Variants in USP31 observed in about 807,000 individuals in gnomAD.
USP31 encodes the protein ubiquitin specific peptidase 31.
In USP31, 44 loss-of-function variants were observed where a neutral mutation model predicts 119.4. That is an observed-to-expected ratio of 0.37 (90% confidence interval 0.29 to 0.47). The LOEUF (loss-of-function observed/expected upper bound fraction) is 0.47. USP31 is among the 20% of genes least tolerant of loss of function. The pLI is 0.99. For missense variants in USP31, 1,643 were observed against 1,730.2 expected (o/e 0.95, Z 0.89); for synonymous variants, 749 against 705.6 (o/e 1.06, Z -0.97).
rs918618663 is a variant in USP31, at chr16:23,149,211, C to T, written c.60G>A (p.Lys20=). 5.2e-6 allele frequency: 6 copies of T among 1,144,248 alleles called. No homozygotes were observed. The highest frequency in any genetic ancestry group is 1.7e-5 in the African/African-American group (1 of 60,172). The allele number at this position is 1,144,248 out of a possible 1,614,324, so 70.9% of individuals were successfully genotyped here. The change falls in exon 1 of 16, where the codon AAG becomes AAA. Residue 20 remains lysine (K), a synonymous_variant. Coordinates refer to ENST00000219689, the MANE Select transcript of USP31 (RefSeq NM_020718.4). ...GAAACAGCCGCTTGCTGAAGGAGCGCTTCTCCTTCCCGCTCGCCGCCGCCG... is the reference window on the plus strand; with the variant it reads ...GAAACAGCCGCTTGCTGAAGGAGCGTTTCTCCTTCCCGCTCGCCGCCGCCG... ...GPPAAASGKE[K]RSFSKRLFRS... is the part of the protein sequence containing the mutation.
At chr16:23,112,409 T>G (rs1389983391) in intron 1 of USP31, among the ~76,000 whole-genome samples, 2 of 151,792 alleles carry the variant, frequency 1.3e-5, no homozygotes, top group African/African-American at 4.8e-5. Context: ...TGAAACTCCG[T>G]CTCCACTAAC....
At chr16:23,082,831 C>CTTTTTTTTTTTTT (rs71151692) in intron 11 of USP31, among the ~76,000 whole-genome samples, 24 of 129,328 alleles carry the variant, frequency 1.9e-4, no homozygotes, top group African/African-American at 2.8e-4. Flanking sequence ...CTTTCTCTCT[C>CTTTTTTTTTTTTT]TTTTTTTTTT....
At chr16:23,115,877 A>C in intron 1 of USP31, 2 of 823,336 alleles carry the variant, frequency 2.4e-6, no homozygotes, top group Non-Finnish European at 2.9e-6. Context: ...GAAAAGAGCC[A>C]TAAAATTAGA....
In USP31 at chr16:23,079,995, C is replaced by A. The variant is rs775957236; in HGVS notation, c.2127G>T (p.Leu709=). 6.2e-7 allele frequency: 1 copy of A among 1,613,960 alleles called. No homozygotes were observed. The highest frequency in any genetic ancestry group is 1.1e-5 in the South Asian group (1 of 91,070). The change falls in exon 13 of 16, where the codon CTG becomes CTT. Residue 709 remains leucine (L), a synonymous_variant. Coordinates refer to ENST00000219689, the MANE Select transcript of USP31 (RefSeq NM_020718.4). ...TGCCATGGTGATTGCACACAGCATA[C>A]AGGTCATAGATGTAGTCCTCAGGGT... The part of the protein sequence containing the change: ...GRDPEDYIYD[L]YAVCNHHGTM...
intron 1 of USP31, among the ~76,000 whole-genome samples, chr16:23,131,578 G>C (rs1201055672): frequency 6.6e-6 from 1 of 152,132 alleles, no homozygotes; most frequent in Non-Finnish European, 1.5e-5. Context: ...TGTGTCACTA[G>C]AGTACCAAAG....
Position 23,068,996 on chromosome 16 carries a change from T to C in USP31, c.3109A>G (p.Lys1037Glu). ...PSSKGTSEPE[K>E]SLRKGRPALA... Reference sequence around the variant, plus strand: ...GCTGGTCTCCCCTTCCGCAAGCTTTTCTCTGGCTCAGAAGTGCCTTTGGAA... The same window carrying C: ...GCTGGTCTCCCCTTCCGCAAGCTTTCCTCTGGCTCAGAAGTGCCTTTGGAA... Residue 1037 changes from lysine (K) to glutamate (E), a missense_variant, in exon 16 of 16, where the codon AAA becomes GAA. Lys to Glu is a moderately conservative substitution (Grantham distance 56). Coordinates refer to ENST00000219689, the MANE Select transcript of USP31 (RefSeq NM_020718.4). The C allele has an allele frequency of 6.2e-7, 1 of 1,614,040 alleles. No individual in the cohort carries two copies. Among genetic ancestry groups the C allele is most frequent in the Non-Finnish European group, 8.5e-7 (1 of 1,180,022 alleles).
rs775957236 is a variant in USP31, at chr16:23,079,995, C to T, written c.2127G>A (p.Leu709=). The part of the protein sequence containing the change: ...GRDPEDYIYD[L]YAVCNHHGTM... ...TGCCATGGTGATTGCACACAGCATA[C>T]AGGTCATAGATGTAGTCCTCAGGGT... Residue 709 remains leucine (L), a synonymous_variant, in exon 13 of 16, where the codon CTG becomes CTA. Transcript: ENST00000219689. 1.1e-5 allele frequency: 17 copies of T among 1,613,960 alleles called. No homozygotes were observed. In the Admixed American group the frequency reaches 1.5e-4, roughly 14 times the overall value.
At chr16:23,119,172 C>G (rs902125448) in intron 1 of USP31, among the ~76,000 whole-genome samples, 1 of 150,604 alleles carries the variant, frequency 6.6e-6, no homozygotes, top group Non-Finnish European at 1.5e-5. Context: ...AATCTCAGCT[C>G]ACTGCGACCT....
chr16:23,079,879 C>T, intron 13 of USP31, 67 bp downstream of exon 13: 2 of 1,427,444 alleles, frequency 1.4e-6, no homozygotes, highest in Admixed American at 2.5e-5. Flanking sequence ...AGTCAAGTCA[C>T]CCTGCCACAA....
At chr16:23,114,550 C>T (rs1346516601) in intron 1 of USP31, among the ~76,000 whole-genome samples, 1 of 151,894 alleles carries the variant, frequency 6.6e-6, no homozygotes, top group Admixed American at 6.5e-5. Flanking sequence ...ATTTTATACA[C>T]AGCATCCATT....
chr16:23,068,351 T>G lies in USP31; in HGVS notation c.3754A>C (p.Lys1252Gln), dbSNP rs1358504948. 3 of 1,614,208 alleles carry G rather than the reference T, an allele frequency of 1.9e-6. No homozygotes were observed. The highest frequency in any genetic ancestry group is 2.5e-6 in the Non-Finnish European group (3 of 1,180,036). The part of the protein sequence containing the change: ...TDLGKTALLS[K>Q]KAGGSSVKSV... ...TTAACAGAGCTCCCACCAGCCTTTT[T>G]AGAGAGCAAGGCTGTCTTGCCAAGA... Residue 1252 changes from lysine to glutamine, a missense_variant, in exon 16 of 16, where the codon AAA becomes CAA. By Grantham distance (53) the Lys-to-Gln change is moderately conservative. This residue lies in a region of USP31 where 699 missense variants were observed against 650.9 expected (regional missense o/e 1.07). Transcript: ENST00000219689.
rs1159291762 is a variant in USP31 at position 23,066,525 on chromosome 16, G to A, written c.*1521C>T. 6.6e-6 allele frequency: 1 copy of A among 152,236 alleles called. No individual in the cohort carries two copies. Among genetic ancestry groups the A allele is most frequent in the East Asian group, 1.9e-4 (1 of 5,188 alleles). The allele number at this position is 152,236 out of a possible 1,614,324, so 9.4% of individuals were successfully genotyped here. A position where few individuals can be genotyped will look rare whatever the true frequency, so the allele number is the denominator to read the frequency against. On this transcript the variant is annotated 3_prime_UTR_variant, in exon 16 of 16. Transcript: ENST00000219689. Reference sequence around the variant, plus strand: ...GGTTATATATGGATCTGTGCACCAAGGGTTCAAGAAGAACTTGAAGAGTCT... The same window carrying A: ...GGTTATATATGGATCTGTGCACCAAAGGTTCAAGAAGAACTTGAAGAGTCT...
chr16:23,103,726 G>GCCTTGTT (rs1313511351), intron 5 of USP31, among the ~76,000 whole-genome samples: 2 of 152,154 alleles, frequency 1.3e-5, no homozygotes, highest in Non-Finnish European at 1.5e-5. Flanking sequence ...ACCAGCCTGG[G>GCCTTGTT]CAACATGCCA....
chr16:23,072,260 C>T, intron 14 of USP31, 63 bp from the exon 15 acceptor site: 2 of 1,554,984 alleles, frequency 1.3e-6, no homozygotes, highest in Non-Finnish European at 1.7e-6. Flanking sequence ...CTGAGCCACA[C>T]ACACCCTCAT....
At chr16:23,120,180 A>G (rs747602395) in intron 1 of USP31, among the ~76,000 whole-genome samples, 1 of 152,226 alleles carries the variant, frequency 6.6e-6, no homozygotes, top group African/African-American at 2.4e-5. Flanking sequence ...TTTGACTTAC[A>G]ATCAACACAA....
At chr16:23,123,806 C>G (rs1376351860) in intron 1 of USP31, among the ~76,000 whole-genome samples, 2 of 151,988 alleles carry the variant, frequency 1.3e-5, no homozygotes, top group Non-Finnish European at 2.9e-5. Flanking sequence ...TTGAGACCAG[C>G]CCAGGCAACA....
intron 1 of USP31, among the ~76,000 whole-genome samples, chr16:23,139,723 T>A (rs1903298583): frequency 6.6e-6 from 1 of 152,210 alleles, no homozygotes; most frequent in Non-Finnish European, 1.5e-5. Context: ...TCCAACTGTC[T>A]ATTAAGGCTT....
At chr16:23,124,619 C>T (rs1040021253) in intron 1 of USP31, among the ~76,000 whole-genome samples, 2 of 152,186 alleles carry the variant, frequency 1.3e-5, no homozygotes, top group Admixed American at 1.3e-4. Context: ...CATGGCCGGG[C>T]ATGGTGGCTC....
In USP31 at chr16:23,142,241, A is replaced by G. The variant is rs189145194; in HGVS notation, c.633+6397T>C. Among the ~76,000 whole-genome samples, 334 of 152,350 alleles carry G rather than the reference A, an allele frequency of 2.2e-3. 5 individuals carry two copies. Among genetic ancestry groups the G allele is most frequent in the Admixed American group, 0.019 (296 of 15,300 alleles). On this transcript the variant is annotated intron_variant, in intron 1 of 15. Coordinates refer to ENST00000219689, the MANE Select transcript of USP31 (RefSeq NM_020718.4). The stretch of plus-strand genomic sequence containing the variant: ...TTTACCAAACTTGGTAAGATGTGGT[A>G]AACATCAGCTCAAAGCTTACTGGAG...
Sources: gnomAD v4.1 joint callset for allele counts (sites outside exome capture counted in the v4.1 genomes callset) on GRCh38, gnomAD v4.1.1 for gene constraint, gnomAD v4.1.1 regional missense constraint, MANE v1.5 for transcripts, NCBI Gene and HGNC (gene_info 2026-07-23, HGNC 2026-07-21) for gene names.